Variants in DNAJC13 observed in about 807,000 individuals in gnomAD.
The protein encoded by DNAJC13 is DnaJ heat shock protein family (Hsp40) member C13.
In DNAJC13, 75 loss-of-function variants were observed where a neutral mutation model predicts 290.5. The observed-to-expected ratio is 0.26, with a 90% CI of 0.21 to 0.31. The LOEUF (loss-of-function observed/expected upper bound fraction) is 0.31. Among genes scored for constraint, DNAJC13 ranks in the 10% least tolerant of loss-of-function variants. The pLI is 1.00. For missense variants in DNAJC13, 2,260 were observed against 2,674.5 expected (o/e 0.85, Z 3.42); for synonymous variants, 862 against 892.0 (o/e 0.97, Z 0.60).
At position 132,522,835 on chromosome 3, in the gene DNAJC13, T is replaced by A. The variant is rs1227179721; in HGVS notation, c.5681T>A (p.Ile1894Asn). ...ADKLIGPKVR[I>N]TLMKFLPSVF... ...TCAAACTTCCTCGTATAGGTTCGAA[T>A]TACGTTAATGAAATTTCTACCAAGC... The change falls in exon 49 of 56, where the codon ATT becomes AAT. Residue 1894 changes from isoleucine (I) to asparagine (N), a missense_variant. Transcript: ENST00000260818. 1.9e-6 allele frequency: 3 copies of A among 1,605,632 alleles called. No homozygotes were observed. The highest frequency in any genetic ancestry group is 2.3e-5 in the South Asian group (2 of 88,526).
At chr3:132,506,354 C>T (rs1935588415) in intron 42 of DNAJC13, among the ~76,000 whole-genome samples, 2 of 150,612 alleles carry the variant, frequency 1.3e-5, no homozygotes, top group African/African-American at 4.9e-5. Context: ...GCCCGGCCTT[C>T]TGTACATTAT....
At chr3:132,455,609 C>T (rs1405033672) in intron 9 of DNAJC13, among the ~76,000 whole-genome samples, 1 of 151,998 alleles carries the variant, frequency 6.6e-6, no homozygotes. Flanking sequence ...AATAAACAGA[C>T]AAAATGTTGC....
At chr3:132,501,441 C>A (rs575506680) in intron 39 of DNAJC13, among the ~76,000 whole-genome samples, 1 of 152,194 alleles carries the variant, frequency 6.6e-6, no homozygotes, top group African/African-American at 2.4e-5. Context: ...GAAAATTCAA[C>A]CATAAGGAAA....
intron 55 of DNAJC13, among the ~76,000 whole-genome samples, chr3:132,533,397 A>G (rs1438258955): frequency 7.0e-6 from 1 of 141,922 alleles, no homozygotes; most frequent in African/African-American, 2.7e-5. Flanking sequence ...GTACTACAGC[A>G]TGAGCTCAGC....
intron 43 of DNAJC13, among the ~76,000 whole-genome samples, chr3:132,510,288 A>T (rs1027984691): frequency 3.3e-5 from 5 of 152,220 alleles, no homozygotes; most frequent in Non-Finnish European, 5.9e-5. Flanking sequence ...GACTGGAGTC[A>T]CATCAGATCA....
chr3:132,530,752 G>A (rs985690583), intron 54 of DNAJC13, among the ~76,000 whole-genome samples: 5 of 152,296 alleles, frequency 3.3e-5, no homozygotes, highest in Middle Eastern at 3.4e-3. Context: ...GGTAATTGTA[G>A]GTTCAAATAA....
At chr3:132,519,694 T>C (rs1480932754) in intron 48 of DNAJC13, among the ~76,000 whole-genome samples, 2 of 152,186 alleles carry the variant, frequency 1.3e-5, no homozygotes, top group African/African-American at 4.8e-5. Context: ...GATTTATGGC[T>C]ATGTTTTCTC....
chr3:132,523,174 A>G lies in DNAJC13; in HGVS notation c.5861A>G (p.Gln1954Arg), dbSNP rs981094920. Residue 1954 changes from glutamine (Q) to arginine (R), a missense_variant, in exon 50 of 56, where the codon CAG becomes CGG. Around this residue, in one of 3 missense-constraint regions of DNAJC13, gnomAD observed 1,494 missense variants for 1,693.7 expected, o/e 0.88. Coordinates refer to ENST00000260818, the MANE Select transcript of DNAJC13 (RefSeq NM_015268.4). Reference sequence around the variant, plus strand: ...TCCCCAAGGCACTTTAAAAATCAGCAGGACAACCCTGAGGCAAACTGGAAG... The same window carrying G: ...TCCCCAAGGCACTTTAAAAATCAGCGGGACAACCCTGAGGCAAACTGGAAG... ...EMMLEHFKNQQDNPEANWKLP... is the reference protein window; with the variant it reads ...EMMLEHFKNQRDNPEANWKLP... 1.2e-5 allele frequency: 19 copies of G among 1,613,854 alleles called. No individual in the cohort carries two copies. The highest frequency in any genetic ancestry group is 1.6e-5 in the Non-Finnish European group (19 of 1,179,912).
intron 48 of DNAJC13, among the ~76,000 whole-genome samples, chr3:132,517,219 C>T (rs1161122359): frequency 6.6e-6 from 1 of 152,150 alleles, no homozygotes; most frequent in East Asian, 1.9e-4. Flanking sequence ...GACATGCCAC[C>T]CTCAGCAGTG....
chr3:132,538,065 T>C (rs1351762830), intron 55 of DNAJC13, 111 bp from the exon 56 acceptor site: 1 of 713,690 alleles, frequency 1.4e-6, no homozygotes, highest in East Asian at 2.6e-5. Flanking sequence ...TTGAAATAGA[T>C]GATTAGTTTT....
intron 2 of DNAJC13, among the ~76,000 whole-genome samples, chr3:132,442,129 T>TAAA (rs35160310): frequency 7.0e-6 from 1 of 143,736 alleles, no homozygotes. Flanking sequence ...TGCCATATGT[T>TAAA]AAAAAAAAAA....
chr3:132,483,606 TA>T (rs1439828292), intron 28 of DNAJC13, 29 bp downstream of exon 28: 2 of 1,591,032 alleles, frequency 1.3e-6, no homozygotes, highest in Non-Finnish European at 1.7e-6. Flanking sequence ...TTTCCATGGT[TA>T]ATTGATATGC....
Position 132,502,569 on chromosome 3 carries a change from A to G in DNAJC13, c.4716+101A>G, listed in dbSNP as rs1015725645. On this transcript the variant is annotated intron_variant, in intron 40 of 55. Transcript: ENST00000260818. ...TGCTATCCAGAGTCCCCAGAGATAA[A>G]TTGTTTTTCAGGAAAATTAGGTTTT... 9.0e-6 allele frequency: 10 copies of G among 1,111,422 alleles called. No individual in the cohort carries two copies. The South Asian group carries it at 2.0e-4, about 22-fold the overall frequency. The allele number at this position is 1,111,422 out of a possible 1,614,324, so 68.8% of individuals were successfully genotyped here.
intron 6 of DNAJC13, among the ~76,000 whole-genome samples, chr3:132,452,733 T>C (rs1040138819): frequency 6.6e-6 from 1 of 152,214 alleles, no homozygotes; most frequent in Non-Finnish European, 1.5e-5. Context: ...GCTGAAAAAC[T>C]CTGAAGTCTG....
At chr3:132,426,567 G>T (rs1576452916) in intron 1 of DNAJC13, among the ~76,000 whole-genome samples, 1 of 152,228 alleles carries the variant, frequency 6.6e-6, no homozygotes, top group South Asian at 2.1e-4. Flanking sequence ...GACAGTTTGT[G>T]GTTGTTGATA....
intron 20 of DNAJC13, among the ~76,000 whole-genome samples, chr3:132,470,607 G>A (rs1934176168): frequency 6.9e-6 from 1 of 144,002 alleles, no homozygotes; most frequent in East Asian, 2.1e-4. Context: ...CGGCTGGCCG[G>A]GCGGGGGGGC....
At chr3:132,445,500 C>T (rs16839266) in intron 2 of DNAJC13, among the ~76,000 whole-genome samples, 4,913 of 151,934 alleles carry the variant, frequency 0.032, 121 homozygotes, top group Non-Finnish European at 0.05. Flanking sequence ...ACTCAGTTTT[C>T]GGCAACAATT....
intron 20 of DNAJC13, among the ~76,000 whole-genome samples, chr3:132,469,588 A>T (rs1934114748): frequency 6.6e-6 from 1 of 152,098 alleles, no homozygotes; most frequent in South Asian, 2.1e-4. Context: ...CCTGGCGGGG[A>T]GGAGGGATTG....
chr3:132,526,325 A>G, intron 53 of DNAJC13, 44 bp downstream of exon 53: 1 of 1,607,956 alleles, frequency 6.2e-7, no homozygotes, highest in Non-Finnish European at 8.5e-7. Context: ...GAAAGCAAAC[A>G]TACCAAGTAG....
Sources: gnomAD v4.1 joint callset for allele counts (sites outside exome capture counted in the v4.1 genomes callset) on GRCh38, gnomAD v4.1.1 for gene constraint, gnomAD v4.1.1 regional missense constraint, MANE v1.5 for transcripts, NCBI Gene and HGNC (gene_info 2026-07-23, HGNC 2026-07-21) for gene names.